PTAFR: variants seen among roughly 807,000 people sequenced by gnomAD.
PTAFR encodes platelet-activating factor receptor.
In PTAFR, 8 loss-of-function variants were observed where a neutral mutation model predicts 14.7. That is an observed-to-expected ratio of 0.54 (90% CI 0.32 to 0.98). PTAFR has a LOEUF of 0.98. Ranked by LOEUF, PTAFR falls within the 50% of genes least tolerant of loss-of-function variation. PTAFR has a pLI of 0.04. For missense variants in PTAFR, 337 were observed against 451.2 expected (o/e 0.75, Z 2.29); for synonymous variants, 156 against 176.5 (o/e 0.88, Z 0.92).
intron 1 of PTAFR, among the ~76,000 whole-genome samples, chr1:28,166,175 T>C (rs556219708): frequency 1.3e-5 from 2 of 152,226 alleles, no homozygotes; most frequent in South Asian, 4.1e-4. Context: ...TCAAATAATC[T>C]TTGACAAGAG....
intron 1 of PTAFR, among the ~76,000 whole-genome samples, chr1:28,166,597 G>A (rs926833427): frequency 6.6e-6 from 1 of 152,072 alleles, no homozygotes; most frequent in African/African-American, 2.4e-5. Context: ...CTTGGACCAG[G>A]GAGGCGGAGG....
In PTAFR at chr1:28,148,822, G is replaced by A. The variant is rs1557682464; in HGVS notation, c.*1171C>T. Reference sequence around the variant, plus strand: ...GGCTGGTCTCGAACTCCGGACCTCAGGTGATCTGCCTGCCTTGGCCTCCCA... The same window carrying A: ...GGCTGGTCTCGAACTCCGGACCTCAAGTGATCTGCCTGCCTTGGCCTCCCA... On this transcript the variant is annotated 3_prime_UTR_variant, in exon 2 of 2. Coordinates refer to ENST00000373857, the MANE Select transcript of PTAFR (RefSeq NM_000952.5). The A allele has an allele frequency of 6.6e-6, 1 of 152,364 alleles. No individual in the cohort carries two copies. 9.4% of individuals were successfully genotyped at this position (152,364 alleles called of 1,614,324 possible). A position where few individuals can be genotyped will look rare whatever the true frequency, so the allele number is the denominator to read the frequency against.
chr1:28,188,198 C>A (rs1210642288), intron 1 of PTAFR, among the ~76,000 whole-genome samples: 3 of 152,154 alleles, frequency 2.0e-5, no homozygotes, highest in Non-Finnish European at 4.4e-5. Context: ...GTAACCCCAG[C>A]ACTTTGGGAG....
upstream of PTAFR, among the ~76,000 whole-genome samples, chr1:28,180,317 T>C (rs1646551430): frequency 6.6e-6 from 1 of 151,930 alleles, no homozygotes; most frequent in Admixed American, 6.6e-5. Context: ...GAGGCAGAGG[T>C]TGCAGTGAGC....
At position 28,149,248 on chromosome 1, in the gene PTAFR, A is replaced by G. The variant is rs1035152558; in HGVS notation, c.*745T>C. 6.6e-6 allele frequency: 1 copy of G among 151,036 alleles called. No homozygotes were observed. Among genetic ancestry groups the G allele is most frequent in the African/African-American group, 2.4e-5 (1 of 41,010 alleles). The allele number at this position is 151,036 out of a possible 1,614,324, so 9.4% of individuals were successfully genotyped here. ...CATCTTAGCTCAAAAGTCTGCCCCA[A>G]GGTAGTGCCATACAGTGAGGGCAGT... On this transcript the variant is annotated 3_prime_UTR_variant, in exon 2 of 2. Transcript: ENST00000373857.
intron 1 of PTAFR, among the ~76,000 whole-genome samples, chr1:28,181,872 G>C (rs541693963): frequency 6.6e-6 from 1 of 152,302 alleles, no homozygotes; most frequent in African/African-American, 2.4e-5. Flanking sequence ...CACCTTGAGA[G>C]GCCGAAGTGA....
At chr1:28,191,967 G>C (rs771329487) in intron 1 of PTAFR, among the ~76,000 whole-genome samples, 8 of 152,022 alleles carry the variant, frequency 5.3e-5, no homozygotes, top group Non-Finnish European at 1.2e-4. Flanking sequence ...CTCATGAAGG[G>C]ACTGAGGCGG....
At chr1:28,187,515 A>T (rs981921524) in intron 1 of PTAFR, among the ~76,000 whole-genome samples, 1 of 151,986 alleles carries the variant, frequency 6.6e-6, no homozygotes, top group Non-Finnish European at 1.5e-5. Flanking sequence ...AGAAAAAAAA[A>T]TTTTTTTTTA....
At chr1:28,187,092 T>C (rs1646613694) in intron 1 of PTAFR, among the ~76,000 whole-genome samples, 1 of 152,138 alleles carries the variant, frequency 6.6e-6, no homozygotes, top group Admixed American at 6.6e-5. Flanking sequence ...CGTCCAGCCC[T>C]CAAGAGTGAT....
chr1:28,180,906 T>C (rs1646556938), upstream of PTAFR, among the ~76,000 whole-genome samples: 1 of 151,504 alleles, frequency 6.6e-6, no homozygotes, highest in Non-Finnish European at 1.5e-5. Flanking sequence ...GGAAGAGGAA[T>C]GAAGGGAGAG....
At chr1:28,186,708 T>C (rs1384095977) in intron 1 of PTAFR, among the ~76,000 whole-genome samples, 2 of 152,254 alleles carry the variant, frequency 1.3e-5, no homozygotes, top group East Asian at 1.9e-4. Flanking sequence ...GCGGGTCGCC[T>C]GAGGTCGGGA....
chr1:28,170,453 C>T (rs115204597), intron 1 of PTAFR, among the ~76,000 whole-genome samples: 3,208 of 152,176 alleles, frequency 0.021, 114 homozygotes, highest in African/African-American at 0.072. Flanking sequence ...TCTATAATGC[C>T]AGCACTTTGA....
At chr1:28,155,354 GTGTGT>G in intron 1 of PTAFR, among the ~76,000 whole-genome samples, 1 of 152,126 alleles carries the variant, frequency 6.6e-6, no homozygotes, top group East Asian at 1.9e-4. Flanking sequence ...GGGATTACAG[GTGTGT>G]GCCATCACAC....
intron 1 of PTAFR, among the ~76,000 whole-genome samples, chr1:28,176,336 G>A (rs956999782): frequency 2.0e-5 from 3 of 151,606 alleles, no homozygotes; most frequent in Admixed American, 6.6e-5. Flanking sequence ...CCAGATACTC[G>A]GGAGGCTGAA....
At chr1:28,168,216 C>A (rs1188178692) in intron 1 of PTAFR, among the ~76,000 whole-genome samples, 1 of 151,498 alleles carries the variant, frequency 6.6e-6, no homozygotes, top group African/African-American at 2.4e-5. Flanking sequence ...CGTGATCCGC[C>A]CTCCTCGGCC....
intron 1 of PTAFR, among the ~76,000 whole-genome samples, chr1:28,165,864 T>C (rs1646379957): frequency 6.6e-6 from 1 of 152,144 alleles, no homozygotes; most frequent in Non-Finnish European, 1.5e-5. Context: ...TTGGAAGACT[T>C]AATATTATTA....
At position 28,163,595 on chromosome 1, in the gene PTAFR, TCTCTAACCTTCA is replaced by T. The variant is rs1572035962; in HGVS notation, c.-38-12548_-38-12537del. 4.6e-5 allele frequency among the ~76,000 whole-genome samples: 7 copies of T among 152,362 alleles called. No homozygotes were observed. In the East Asian group the frequency reaches 1.3e-3, roughly 29 times the overall value. On this transcript the variant is annotated intron_variant, in intron 1 of 1. Transcript: ENST00000373857. ...ATGACCTGGGGCAAGTGACCTCGCC[TCTCTAACCTTCA>T]ATGTCTTCATTTGCAAAATCTTACA...
In PTAFR at chr1:28,150,211, T is replaced by C; in HGVS notation, c.811A>G (p.Ile271Val). 1 of 1,613,892 alleles carries C rather than the reference T, an allele frequency of 6.2e-7. No individual in the cohort carries two copies. The highest frequency in any genetic ancestry group is 1.3e-5 in the African/African-American group (1 of 75,058). ...GFQDSKFHQAINDAHQVTLCL... is the reference protein window; with the variant it reads ...GFQDSKFHQAVNDAHQVTLCL... ...AGGGTGACCTGATGTGCATCATTAA[T>C]GGCCTGGTGGAATTTGCTGTCCTGG... Residue 271 changes from isoleucine to valine, a missense_variant, in exon 2 of 2, where the codon ATT becomes GTT. Physicochemically the swap from Ile to Val is conservative, Grantham distance 29. Transcript: ENST00000373857. The surrounding 1 kb of genome is among the most constrained non-coding windows in gnomAD (Gnocchi z 6.3).
At chr1:28,178,833 C>G (rs1204264359), upstream of PTAFR, among the ~76,000 whole-genome samples, 1 of 152,058 alleles carries the variant, frequency 6.6e-6, no homozygotes, top group Admixed American at 6.6e-5. Flanking sequence ...CATACTGCTC[C>G]ACACTCACGC....
Sources: gnomAD v4.1 joint callset for allele counts (sites outside exome capture counted in the v4.1 genomes callset) on GRCh38, gnomAD v4.1.1 for gene constraint, Gnocchi (gnomAD v3.1) non-coding constraint, MANE v1.5 for transcripts, NCBI Gene and HGNC (gene_info 2026-07-23, HGNC 2026-07-21) for gene names.